Variants in STMND1 observed in about 807,000 individuals in gnomAD.
The protein encoded by STMND1 is stathmin domain containing 1.
In STMND1, 17 loss-of-function variants were observed where a neutral mutation model predicts 23.0. The observed-to-expected ratio is 0.74, with a 90% CI of 0.51 to 1.11. The LOEUF (loss-of-function observed/expected upper bound fraction) is 1.11, where lower values mean the gene tolerates loss of function less well. STMND1 is among the 50% of genes least tolerant of loss of function. STMND1 has a pLI of 0.00. For missense variants in STMND1, 305 were observed against 329.1 expected (o/e 0.93, Z 0.57); for synonymous variants, 114 against 119.9 (o/e 0.95, Z 0.32).
At chr6:17,125,838 T>C (rs1761287828) in intron 3 of STMND1, among the ~76,000 whole-genome samples, 1 of 151,842 alleles carries the variant, frequency 6.6e-6, no homozygotes, top group African/African-American at 2.4e-5. Context: ...ACAGTGTATG[T>C]AAGAAGTAAA....
At chr6:17,125,079 G>T (rs1761278555) in intron 3 of STMND1, among the ~76,000 whole-genome samples, 1 of 150,974 alleles carries the variant, frequency 6.6e-6, no homozygotes, top group South Asian at 2.1e-4. Flanking sequence ...GGCTTTACGA[G>T]GCTCAGCTGG....
intron 4 of STMND1, among the ~76,000 whole-genome samples, chr6:17,129,926 A>G (rs1156694260): frequency 6.6e-6 from 1 of 152,102 alleles, no homozygotes; most frequent in Non-Finnish European, 1.5e-5. Context: ...GCCTCAAATG[A>G]TTCTCCTGCC....
chr6:17,114,541 C>T (rs1215951559), intron 1 of STMND1, among the ~76,000 whole-genome samples: 19 of 152,244 alleles, frequency 1.2e-4, no homozygotes, highest in African/African-American at 4.6e-4. Context: ...GCTGGGATTA[C>T]AGGCGTGAGC....
chr6:17,108,159 G>A (rs571439093), intron 1 of STMND1, among the ~76,000 whole-genome samples: 42 of 152,246 alleles, frequency 2.8e-4, no homozygotes, highest in Non-Finnish European at 5.7e-4. Context: ...CTCTAAGTAA[G>A]AACAGATGGG....
At chr6:17,103,453 A>G (rs1760970350) in intron 1 of STMND1, among the ~76,000 whole-genome samples, 1 of 151,830 alleles carries the variant, frequency 6.6e-6, no homozygotes, top group Admixed American at 6.6e-5. Context: ...CTGACTCCAC[A>G]TTTAGTACCT....
At position 17,116,037 on chromosome 6, in the gene STMND1, A is replaced by T. The variant is rs76476860; in HGVS notation, c.259+898A>T. Among the ~76,000 whole-genome samples the T allele has an allele frequency of 6.5e-3, 995 of 152,096 alleles. 12 individuals carry two copies. The highest frequency in any genetic ancestry group is 0.022 in the African/African-American group (896 of 41,452). On this transcript the variant is annotated intron_variant, in intron 2 of 4. Coordinates refer to ENST00000536551, the MANE Select transcript of STMND1 (RefSeq NM_001190766.2). ...TTCTATGTGTTAGGTTGACAAATAC[A>T]TTTTTTTTCTTTCCAATAATTTTGT...
At chr6:17,115,769 A>C (rs1367895362) in intron 2 of STMND1, among the ~76,000 whole-genome samples, 1 of 152,200 alleles carries the variant, frequency 6.6e-6, no homozygotes, top group African/African-American at 2.4e-5. Flanking sequence ...CCCTCAAGGA[A>C]AAGTACTCTT....
chr6:17,109,776 C>T (rs1307485525), intron 1 of STMND1, among the ~76,000 whole-genome samples: 1 of 152,168 alleles, frequency 6.6e-6, no homozygotes, highest in South Asian at 2.1e-4. Flanking sequence ...TTGACAACTG[C>T]AATAATTGCA....
chr6:17,121,135 T>G (rs764970495), intron 3 of STMND1, among the ~76,000 whole-genome samples: 7 of 152,208 alleles, frequency 4.6e-5, no homozygotes, highest in Non-Finnish European at 1.0e-4. Flanking sequence ...CCTACCACCT[T>G]GTGAAGAGGT....
rs1348334184 is a variant in STMND1 at position 17,126,034 on chromosome 6, T to TTTTTTATATA, written c.412-3077_412-3076insTTTTATATAT. Among the ~76,000 whole-genome samples, 21 of 42,008 alleles carry TTTTTTATATA rather than the reference T, an allele frequency of 5.0e-4. 1 individual carries two copies. The highest frequency in any genetic ancestry group is 2.3e-3 in the African/African-American group (18 of 7,910). 27.6% of individuals were successfully genotyped at this position (42,008 alleles called of 152,430 possible). On this transcript the variant is annotated intron_variant, in intron 3 of 4. Transcript: ENST00000536551. The stretch of plus-strand genomic sequence containing the variant: ...CTCTAAGCATAAGGTGATCATTGTT[T>TTTTTTATATA]TATATATATATATATATATATATAT...
chr6:17,109,593 A>G (rs1761072180), intron 1 of STMND1, among the ~76,000 whole-genome samples: 1 of 152,214 alleles, frequency 6.6e-6, no homozygotes, highest in African/African-American at 2.4e-5. Context: ...CATTTTTCTT[A>G]AAGAAAATGT....
chr6:17,122,211 A>G (rs1263299489), intron 3 of STMND1, among the ~76,000 whole-genome samples: 1 of 152,140 alleles, frequency 6.6e-6, no homozygotes, highest in Non-Finnish European at 1.5e-5. Flanking sequence ...AGAAGATAGC[A>G]GACTTAGGTG....
At chr6:17,103,111 T>C (rs1000811678) in intron 1 of STMND1, among the ~76,000 whole-genome samples, 1 of 152,152 alleles carries the variant, frequency 6.6e-6, no homozygotes, top group African/African-American at 2.4e-5. Context: ...CAGACAGCGC[T>C]AGCAACCCTC....
intron 1 of STMND1, among the ~76,000 whole-genome samples, chr6:17,114,031 AAG>A (rs1761127515): frequency 6.6e-6 from 1 of 152,176 alleles, no homozygotes; most frequent in Admixed American, 6.5e-5. Flanking sequence ...AGTTTTGTGG[AAG>A]ACAGTTTTTC....
At chr6:17,113,365 C>T (rs1283635631) in intron 1 of STMND1, among the ~76,000 whole-genome samples, 3 of 152,188 alleles carry the variant, frequency 2.0e-5, no homozygotes, top group Non-Finnish European at 2.9e-5. Flanking sequence ...AGGCAAATCT[C>T]CTCTTCCTCA....
intron 2 of STMND1, among the ~76,000 whole-genome samples, chr6:17,120,256 A>T (rs1761213958): frequency 6.6e-6 from 1 of 152,220 alleles, no homozygotes; most frequent in South Asian, 2.1e-4. Context: ...TCTGATTCTT[A>T]GCTGTGGTTT....
chr6:17,114,431 A>T (rs935033319), intron 1 of STMND1, among the ~76,000 whole-genome samples: 2 of 151,820 alleles, frequency 1.3e-5, no homozygotes, highest in African/African-American at 4.8e-5. Context: ...TGCCTGGCTA[A>T]TTTTTTGTAT....
At chr6:17,106,516 G>A (rs1392555839) in intron 1 of STMND1, among the ~76,000 whole-genome samples, 1 of 152,108 alleles carries the variant, frequency 6.6e-6, no homozygotes, top group Non-Finnish European at 1.5e-5. Context: ...TCTGCAAGGA[G>A]GAAATTCAAT....
chr6:17,127,188 A>T (rs540761549), intron 3 of STMND1, among the ~76,000 whole-genome samples: 46 of 152,364 alleles, frequency 3.0e-4, no homozygotes, highest in Admixed American at 1.7e-3. Flanking sequence ...CAATCCCAAA[A>T]TATATGTTAT....
Sources: gnomAD v4.1 joint callset for allele counts (sites outside exome capture counted in the v4.1 genomes callset) on GRCh38, gnomAD v4.1.1 for gene constraint, MANE v1.5 for transcripts, NCBI Gene and HGNC (gene_info 2026-07-23, HGNC 2026-07-21) for gene names.